CANX: variants seen among roughly 807,000 people sequenced by gnomAD.
CANX encodes the protein calnexin, also known as epididymis secretory sperm binding protein.
A neutral mutation model predicts 75.7 loss-of-function variants in CANX; 14 were observed. The observed-to-expected ratio is 0.19, with a 90% CI of 0.12 to 0.29. CANX has a LOEUF of 0.29. Ranked by LOEUF, CANX falls within the 10% of genes least tolerant of loss-of-function variation. The pLI is 1.00. For synonymous variants in CANX, 227 were observed against 236.9 expected, an observed-to-expected ratio of 0.96 and a Z score of 0.38; for missense variants, 567 against 713.2, an observed-to-expected ratio of 0.79 and a Z score of 2.34.
chr5:179,683,375 C>T (rs190991155), intron 1 of CANX, among the ~76,000 whole-genome samples: 5 of 151,950 alleles, frequency 3.3e-5, no homozygotes, highest in East Asian at 3.9e-4. Context: ...CCTTGTGATC[C>T]GCCCACCTCA....
chr5:179,694,902 A>T (rs185412409), upstream of CANX: 1 of 315,508 alleles, frequency 3.2e-6, no homozygotes, highest in Non-Finnish European at 6.0e-6. Context: ...TGAGGGAAGG[A>T]TGGAGAGACA....
At chr5:179,712,509 C>T (rs955995720) in intron 7 of CANX, among the ~76,000 whole-genome samples, 16 of 151,512 alleles carry the variant, frequency 1.1e-4, no homozygotes, top group African/African-American at 3.9e-4. Flanking sequence ...ACCTCTGCCT[C>T]TTGCATTCAA....
intron 10 of CANX, 58 bp downstream of exon 10, chr5:179,720,618 GT>G: frequency 6.6e-7 from 1 of 1,504,742 alleles, no homozygotes; most frequent in Non-Finnish European, 9.2e-7. Flanking sequence ...TCAGATAGAA[GT>G]TTTATCTAGA....
At position 179,730,741 on chromosome 5, in the gene CANX, C is replaced by G. The variant is rs1321304668; in HGVS notation, c.*2097C>G. The G allele has an allele frequency of 6.6e-6, 1 of 152,234 alleles. No homozygotes were observed. The highest frequency in any genetic ancestry group is 1.5e-5 in the Non-Finnish European group (1 of 68,044). The allele number at this position is 152,234 out of a possible 1,614,324, so 9.4% of individuals were successfully genotyped here. A position where few individuals can be genotyped will look rare whatever the true frequency, so the allele number is the denominator to read the frequency against. On this transcript the variant is annotated 3_prime_UTR_variant, in exon 15 of 15. Coordinates refer to ENST00000247461, the MANE Select transcript of CANX (RefSeq NM_001746.4). ...TGACACATTAATGAATGACCAGCAG[C>G]AGCTTTCAGCTCTTAAAAAGACACT...
intron 1 of CANX, among the ~76,000 whole-genome samples, chr5:179,682,722 A>G (rs961141710): frequency 6.6e-6 from 1 of 151,812 alleles, no homozygotes; most frequent in Non-Finnish European, 1.5e-5. Context: ...AAAAAAAAAA[A>G]AAAAAACCCT....
In CANX at chr5:179,720,412, A is replaced by G; in HGVS notation, c.1034A>G (p.Asp345Gly). 6.2e-7 allele frequency: 1 copy of G among 1,613,838 alleles called. No homozygotes were observed. Among genetic ancestry groups the G allele is most frequent in the African/African-American group, 1.3e-5 (1 of 75,030 alleles). ...DAEKPEDWDE[D>G]MDGEWEAPQI... The stretch of plus-strand genomic sequence containing the variant: ...TGTTTGTACCTCCGTAGGGATGAAG[A>G]CATGGATGGAGAATGGGAGGCTCCT... Residue 345 changes from aspartate to glycine, a missense_variant, in exon 10 of 15, where the codon GAC becomes GGC. Physicochemically the swap from Asp to Gly is moderately conservative, Grantham distance 94. This residue lies in a region of CANX where 351 missense variants were observed against 433.8 expected (regional missense o/e 0.81). Coordinates refer to ENST00000247461, the MANE Select transcript of CANX (RefSeq NM_001746.4).
chr5:179,725,079 G>T (rs1047471049), intron 13 of CANX, among the ~76,000 whole-genome samples: 5 of 152,144 alleles, frequency 3.3e-5, no homozygotes, highest in African/African-American at 9.7e-5. Context: ...TTGGAGTACA[G>T]TGGCACAGTC....
At chr5:179,684,786 C>T (rs1776154608) in intron 1 of CANX, among the ~76,000 whole-genome samples, 1 of 151,886 alleles carries the variant, frequency 6.6e-6, no homozygotes. Flanking sequence ...GATGGAGTTT[C>T]ACTTTTGTTG....
intron 1 of CANX, among the ~76,000 whole-genome samples, chr5:179,684,075 T>C (rs1242989777): frequency 6.6e-6 from 1 of 152,192 alleles, no homozygotes; most frequent in Non-Finnish European, 1.5e-5. Flanking sequence ...TGTGGACATA[T>C]GCTTTCATTT....
intron 1 of CANX, among the ~76,000 whole-genome samples, chr5:179,689,543 A>T (rs2113045819): frequency 6.6e-6 from 1 of 151,988 alleles, no homozygotes; most frequent in Middle Eastern, 3.4e-3. Flanking sequence ...GTCCGCCACA[A>T]TGCTTGGCTA....
chr5:179,712,117 GTT>G (rs766549898), intron 7 of CANX, among the ~76,000 whole-genome samples: 1,481 of 127,780 alleles, frequency 0.012, 34 homozygotes, highest in African/African-American at 0.039. Context: ...AAAAAAAGGT[GTT>G]TTTTTTTTTT....
upstream of CANX, among the ~76,000 whole-genome samples, chr5:179,698,163 C>T (rs1776470403): frequency 6.6e-6 from 1 of 152,320 alleles, no homozygotes; most frequent in Non-Finnish European, 1.5e-5. Context: ...TGAAGATGTA[C>T]TAAGAGTGGG....
intron 1 of CANX, among the ~76,000 whole-genome samples, chr5:179,701,987 C>A (rs982479042): frequency 1.3e-5 from 2 of 151,328 alleles, no homozygotes; most frequent in African/African-American, 2.4e-5. Flanking sequence ...GCAGTCCGCC[C>A]ACCTCGGCCT....
chr5:179,690,468 T>A (rs556133603), intron 1 of CANX, among the ~76,000 whole-genome samples: 79 of 148,146 alleles, frequency 5.3e-4, no homozygotes, highest in South Asian at 5.3e-3. Context: ...CCCAGCTACT[T>A]GGGAGGCTGA....
intron 1 of CANX, chr5:179,679,371 T>A (rs1775994610): frequency 1.0e-6 from 1 of 979,078 alleles, no homozygotes; most frequent in African/African-American, 1.6e-5. Flanking sequence ...TGCGGCTGTG[T>A]CTCACCAGCT....
intron 1 of CANX, among the ~76,000 whole-genome samples, chr5:179,690,304 A>C (rs11959335): frequency 7.1e-4 from 108 of 151,956 alleles, no homozygotes; most frequent in African/African-American, 2.6e-3. Flanking sequence ...GGCCAGGCGC[A>C]GTGGCTCACG....
At chr5:179,714,764 G>A (rs962856581) in intron 7 of CANX, among the ~76,000 whole-genome samples, 9 of 152,028 alleles carry the variant, frequency 5.9e-5, no homozygotes, top group Non-Finnish European at 1.0e-4. Context: ...TGATTCGCCC[G>A]TCTCGGCCTC....
At chr5:179,685,987 A>T (rs1049132713) in intron 1 of CANX, among the ~76,000 whole-genome samples, 1 of 151,810 alleles carries the variant, frequency 6.6e-6, no homozygotes, top group African/African-American at 2.4e-5. Context: ...CATCGTGCCC[A>T]GCCTCATCCT....
chr5:179,710,572 G>T (rs1372908635), intron 7 of CANX, among the ~76,000 whole-genome samples: 1 of 150,464 alleles, frequency 6.6e-6, no homozygotes, highest in Non-Finnish European at 1.5e-5. Flanking sequence ...GCCGGGCGTG[G>T]TGGTGGGCAC....
Sources: gnomAD v4.1 joint callset for allele counts (sites outside exome capture counted in the v4.1 genomes callset) on GRCh38, gnomAD v4.1.1 for gene constraint, gnomAD v4.1.1 regional missense constraint, MANE v1.5 for transcripts, NCBI Gene and HGNC (gene_info 2026-07-23, HGNC 2026-07-21) for gene names.